ZSWIM5: variants seen among roughly 807,000 people sequenced by gnomAD.
The protein encoded by ZSWIM5 is zinc finger SWIM-type containing 5.
Under a neutral mutation model 119.6 loss-of-function variants are expected in ZSWIM5, and 55 were observed. That is an observed-to-expected ratio of 0.46 (90% CI 0.37 to 0.58). ZSWIM5 has a LOEUF of 0.58. Ranked by LOEUF, ZSWIM5 falls within the 20% of genes least tolerant of loss-of-function variation. The pLI is 0.00. For missense variants in ZSWIM5, 1,193 were observed against 1,512.8 expected (o/e 0.79, Z 3.51); for synonymous variants, 537 against 606.9 (o/e 0.88, Z 1.69).
intron 1 of ZSWIM5, among the ~76,000 whole-genome samples, chr1:45,128,611 G>A (rs1316722337): frequency 6.6e-6 from 1 of 152,134 alleles, no homozygotes; most frequent in Admixed American, 6.5e-5. Context: ...ACATAAACGT[G>A]CCAGCTAATA....
intron 1 of ZSWIM5, among the ~76,000 whole-genome samples, chr1:45,184,932 T>G (rs199743925): frequency 2.6e-5 from 4 of 151,966 alleles, no homozygotes; most frequent in Non-Finnish European, 4.4e-5. Context: ...AAAAGAGCCC[T>G]CATTGCCAAG....
Position 45,088,167 on chromosome 1 carries a change from T to C in ZSWIM5, c.666A>G (p.Ala222=), listed in dbSNP as rs1645342951. The change falls in exon 2 of 14, where the codon GCA becomes GCG. Residue 222 remains alanine, a synonymous_variant. Coordinates refer to ENST00000359600, the MANE Select transcript of ZSWIM5 (RefSeq NM_020883.2). This position sits in a 1 kb window ranked among gnomAD's most constrained non-coding sequence, Gnocchi z 4.2. The stretch of plus-strand genomic sequence containing the variant: ...TGATTTTGCATCGATCAAAACTGAT[T>C]GCAACTTTATAAGTCACTGCTGGTT... ...ASEPAVTYKV[A]ISFDRCKITS... 1 of 1,614,078 alleles carries C rather than the reference T, an allele frequency of 6.2e-7. No individual in the cohort carries two copies. Among genetic ancestry groups the C allele is most frequent in the South Asian group, 1.1e-5 (1 of 91,072 alleles).
chr1:45,032,330 A>G (rs560655857), intron 11 of ZSWIM5, among the ~76,000 whole-genome samples: 2 of 151,814 alleles, frequency 1.3e-5, no homozygotes, highest in African/African-American at 4.8e-5. Flanking sequence ...GGATCTTGCT[A>G]TGTTGCTCAG....
chr1:45,156,721 TAAAA>T (rs763479350), intron 1 of ZSWIM5, among the ~76,000 whole-genome samples: 5 of 124,608 alleles, frequency 4.0e-5, no homozygotes, highest in Non-Finnish European at 3.5e-5. Flanking sequence ...TGTGGGAAGT[TAAAA>T]AAAAAAAAAA....
At chr1:45,044,770 TATATAAATATATATATATAA>T (rs1645040179) in intron 5 of ZSWIM5, among the ~76,000 whole-genome samples, 1 of 2,512 alleles carries the variant, frequency 4.0e-4, no homozygotes, top group African/African-American at 1.1e-3. Context: ...TATATATATA[TATATAAATATATATATATAA>T]ATATATATAT....
chr1:45,085,528 G>GTTTTTTTTTTTTT lies in ZSWIM5; in HGVS notation c.952+2340_952+2352dup, dbSNP rs771375917. Among the ~76,000 whole-genome samples, 10 of 112,722 alleles carry GTTTTTTTTTTTTT rather than the reference G, an allele frequency of 8.9e-5. 1 individual carries two copies. The highest frequency in any genetic ancestry group is 1.1e-4 in the Non-Finnish European group (6 of 53,702). The allele number at this position is 112,722 out of a possible 152,430, so 74.0% of individuals were successfully genotyped here. A position where few individuals can be genotyped will look rare whatever the true frequency, so the allele number is the denominator to read the frequency against. Reference sequence around the variant, plus strand: ...GTTCTAGTTTTAGGTTAGTTTGTTTGTTTTTTTTTTTTTTTTTTTGCTCAT... The same window carrying GTTTTTTTTTTTTT: ...GTTCTAGTTTTAGGTTAGTTTGTTTGTTTTTTTTTTTTTTTTTTTTTTTTTTTTTTTTGCTCAT... On this transcript the variant is annotated intron_variant, in intron 2 of 13. Transcript: ENST00000359600.
At chr1:45,052,489 G>T (rs1645094860) in intron 4 of ZSWIM5, among the ~76,000 whole-genome samples, 1 of 152,086 alleles carries the variant, frequency 6.6e-6, no homozygotes. Context: ...TTAATTTCTG[G>T]CTGGGTGCTG....
At position 45,190,927 on chromosome 1, in the gene ZSWIM5, A is replaced by ATTTTT. The variant is rs746764436; in HGVS notation, c.595+14824_595+14828dup. ...TCCATGTTCGACTGAAATAGCTGGA[A>ATTTTT]TTTTTTTTTTTTTTTTTTTTTTTTT... is the stretch of plus-strand genomic sequence containing the variant. On this transcript the variant is annotated intron_variant, in intron 1 of 13. Coordinates refer to ENST00000359600, the MANE Select transcript of ZSWIM5 (RefSeq NM_020883.2). Among the ~76,000 whole-genome samples the ATTTTT allele has an allele frequency of 5.2e-3, 253 of 49,000 alleles. 81 individuals are homozygous for ATTTTT. Among genetic ancestry groups the ATTTTT allele is most frequent in the African/African-American group, 7.3e-3 (78 of 10,680 alleles). The allele number at this position is 49,000 out of a possible 152,430, so 32.1% of individuals were successfully genotyped here.
intron 1 of ZSWIM5, among the ~76,000 whole-genome samples, chr1:45,102,876 GT>G (rs1243392366): frequency 6.6e-6 from 1 of 151,738 alleles, no homozygotes. Context: ...TATTTATTTG[GT>G]GGGGGTACAG....
chr1:45,182,412 AAACAAAC>A (rs1171593381), intron 1 of ZSWIM5, among the ~76,000 whole-genome samples: 11 of 89,396 alleles, frequency 1.2e-4, no homozygotes, highest in Admixed American at 3.8e-4. Flanking sequence ...TCAAAAAAAC[AAACAAAC>A]AAACAAACAA....
chr1:45,052,757 GAA>G (rs5773862), intron 4 of ZSWIM5, among the ~76,000 whole-genome samples: 40 of 146,476 alleles, frequency 2.7e-4, no homozygotes, highest in Admixed American at 2.7e-4. Flanking sequence ...TGGGTGATGG[GAA>G]AAAAAAAAAA....
chr1:45,070,449 G>A, intron 2 of ZSWIM5: 1 of 1,201,164 alleles, frequency 8.3e-7, no homozygotes, highest in Non-Finnish European at 1.2e-6. Flanking sequence ...AGCAAGGGCT[G>A]TTCTCCATAG....
chr1:45,130,876 C>A (rs1645652274), intron 1 of ZSWIM5, among the ~76,000 whole-genome samples: 1 of 152,140 alleles, frequency 6.6e-6, no homozygotes, highest in Non-Finnish European at 1.5e-5. Context: ...TACATTCATA[C>A]CATGGAATAC....
rs11383878 is a variant in ZSWIM5, at chr1:45,093,846, G to GTTT, written c.596-5612_596-5610dup. ...AATTTAAGCAAACATGTAGAAGCTT[G>GTTT]TTTTTTTTTTTTTTTGAGACAGGGT... On this transcript the variant is annotated intron_variant, in intron 1 of 13. Transcript: ENST00000359600. 1.9e-4 allele frequency among the ~76,000 whole-genome samples: 26 copies of GTTT among 137,532 alleles called. 1 individual carries two copies. Among genetic ancestry groups the GTTT allele is most frequent in the African/African-American group, 2.4e-4 (9 of 37,286 alleles). 90.2% of individuals were successfully genotyped at this position (137,532 alleles called of 152,430 possible). A position where few individuals can be genotyped will look rare whatever the true frequency, so the allele number is the denominator to read the frequency against.
At chr1:45,109,166 A>G (rs756247756) in intron 1 of ZSWIM5, among the ~76,000 whole-genome samples, 1 of 152,198 alleles carries the variant, frequency 6.6e-6, no homozygotes, top group Non-Finnish European at 1.5e-5. Flanking sequence ...CTGGAGCAAA[A>G]CCATTTTTCC....
At chr1:45,030,309 G>A (rs575235485) in intron 11 of ZSWIM5, among the ~76,000 whole-genome samples, 8 of 151,840 alleles carry the variant, frequency 5.3e-5, no homozygotes, top group African/African-American at 7.3e-5. Flanking sequence ...GTGCAGTGGC[G>A]CAATCTCGGC....
intron 2 of ZSWIM5, among the ~76,000 whole-genome samples, chr1:45,086,006 T>A (rs1645327194): frequency 6.6e-6 from 1 of 152,136 alleles, no homozygotes; most frequent in African/African-American, 2.4e-5. Context: ...TACCTGAGAA[T>A]CGGTAATTTA....
chr1:45,205,724 G>T, intron 1 of ZSWIM5, 32 bp downstream of exon 1: 1 of 1,516,940 alleles, frequency 6.6e-7, no homozygotes. Context: ...AGAGGAGGCT[G>T]AGGACCCGAG....
At chr1:45,060,937 A>G (rs1178826658) in intron 2 of ZSWIM5, among the ~76,000 whole-genome samples, 2 of 152,172 alleles carry the variant, frequency 1.3e-5, no homozygotes, top group African/African-American at 4.8e-5. Context: ...TCAGTCTCCC[A>G]AAGTACTGGG....
Sources: allele counts gnomAD v4.1 joint callset (sites outside exome capture counted in the v4.1 genomes callset), GRCh38; gene constraint gnomAD v4.1.1; non-coding constraint Gnocchi (gnomAD v3.1); transcripts MANE v1.5; gene names NCBI Gene and HGNC (gene_info 2026-07-23, HGNC 2026-07-21).